SNTB2: variants seen among roughly 807,000 people sequenced by gnomAD.
The protein encoded by SNTB2 is beta-2-syntrophin.
A neutral mutation model predicts 46.2 loss-of-function variants in SNTB2; 34 were observed. The ratio of observed to expected loss-of-function variants is 0.74; its 90% CI spans 0.56 to 0.98. The LOEUF (loss-of-function observed/expected upper bound fraction) is 0.98. SNTB2 is among the 50% of genes least tolerant of loss of function. The pLI is 0.00. For missense variants in SNTB2, 603 were observed against 731.4 expected, an observed-to-expected ratio of 0.82 and a Z score of 2.02; for synonymous variants, 290 against 312.6, an observed-to-expected ratio of 0.93 and a Z score of 0.76.
intron 1 of SNTB2, among the ~76,000 whole-genome samples, chr16:69,189,396 A>C (rs895046590): frequency 1.3e-5 from 2 of 152,176 alleles, no homozygotes; most frequent in African/African-American, 4.8e-5. Flanking sequence ...AGTACTATTT[A>C]TGTAGTCCTC....
chr16:69,195,623 G>T (rs1964098083), intron 1 of SNTB2, among the ~76,000 whole-genome samples: 1 of 152,036 alleles, frequency 6.6e-6, no homozygotes, highest in Admixed American at 6.6e-5. Flanking sequence ...GCTGTGGAGG[G>T]TCTAATTCTG....
intron 3 of SNTB2, among the ~76,000 whole-genome samples, chr16:69,269,631 C>T (rs1337589240): frequency 2.0e-5 from 3 of 151,966 alleles, no homozygotes; most frequent in Non-Finnish European, 2.9e-5. Context: ...GCAATGTAAA[C>T]TCTATTATTG....
intron 1 of SNTB2, among the ~76,000 whole-genome samples, chr16:69,217,756 TAGA>T (rs778944683): frequency 7.2e-5 from 11 of 152,360 alleles, no homozygotes; most frequent in Admixed American, 1.3e-4. Flanking sequence ...GGCTGTGACT[TAGA>T]AGAAGTTTTC....
rs1030271203 is a variant in SNTB2 at position 69,306,032 on chromosome 16, A to T, written c.*5108A>T. On this transcript the variant is annotated 3_prime_UTR_variant, in exon 7 of 7. Transcript: ENST00000336278. ...GGGTTCTGTATTTTTGAGCAATATCATTATTCCTATGCTGTGATGTTAAAT... is the reference window on the plus strand; with the variant it reads ...GGGTTCTGTATTTTTGAGCAATATCTTTATTCCTATGCTGTGATGTTAAAT... The T allele has an allele frequency of 5.9e-5, 9 of 152,178 alleles. No individual in the cohort carries two copies. Among genetic ancestry groups the T allele is most frequent in the African/African-American group, 2.2e-4 (9 of 41,438 alleles). 9.4% of individuals were successfully genotyped at this position (152,178 alleles called of 1,614,324 possible). A position where few individuals can be genotyped will look rare whatever the true frequency, so the allele number is the denominator to read the frequency against.
At position 69,307,120 on chromosome 16, in the gene SNTB2, A is replaced by C. The variant is rs1965322727; in HGVS notation, c.*6196A>C. On this transcript the variant is annotated 3_prime_UTR_variant, in exon 7 of 7. Transcript: ENST00000336278. ...ATTAATGTATAGTTCTACACCAGGC[A>C]TTCTGAAGGGTCCAAAAGAAAGTTC... The C allele has an allele frequency of 6.6e-6, 1 of 152,252 alleles. No individual in the cohort carries two copies. Among genetic ancestry groups the C allele is most frequent in the African/African-American group, 2.4e-5 (1 of 41,460 alleles). The allele number at this position is 152,252 out of a possible 1,614,324, so 9.4% of individuals were successfully genotyped here.
chr16:69,293,722 G>A (rs1965196708), intron 5 of SNTB2, among the ~76,000 whole-genome samples: 1 of 152,196 alleles, frequency 6.6e-6, no homozygotes, highest in South Asian at 2.1e-4. Context: ...GATTCAGAGG[G>A]ACATGTTGAA....
At chr16:69,250,522 A>ATTTATTT (rs1964715779) in intron 2 of SNTB2, among the ~76,000 whole-genome samples, 1 of 152,196 alleles carries the variant, frequency 6.6e-6, no homozygotes, top group South Asian at 2.1e-4. Context: ...TAAGTTCCTT[A>ATTTATTT]ATTTCTCTGT....
chr16:69,218,670 C>T (rs952554081), intron 1 of SNTB2, among the ~76,000 whole-genome samples: 2 of 152,180 alleles, frequency 1.3e-5, no homozygotes, highest in South Asian at 2.1e-4. Context: ...ATCCACCTGC[C>T]TCGGCCTCCC....
At chr16:69,214,650 C>CCT (rs1401135775) in intron 1 of SNTB2, among the ~76,000 whole-genome samples, 4 of 151,760 alleles carry the variant, frequency 2.6e-5, no homozygotes, top group East Asian at 1.9e-4. Flanking sequence ...CCTCAGCCTC[C>CCT]TGAGTAGCTG....
intron 4 of SNTB2, among the ~76,000 whole-genome samples, chr16:69,275,432 A>G (rs948618265): frequency 2.6e-5 from 4 of 152,238 alleles, no homozygotes; most frequent in Admixed American, 2.6e-4. Flanking sequence ...TTCAGGAAGT[A>G]CTGGTGGATT....
intron 2 of SNTB2, among the ~76,000 whole-genome samples, chr16:69,251,074 G>C (rs984712631): frequency 2.0e-5 from 3 of 148,300 alleles, no homozygotes; most frequent in African/African-American, 7.3e-5. Context: ...CGCCTCCCGG[G>C]TTCACGCCAT....
At chr16:69,239,690 G>T (rs182137281) in intron 1 of SNTB2, among the ~76,000 whole-genome samples, 2 of 152,020 alleles carry the variant, frequency 1.3e-5, no homozygotes, top group Non-Finnish European at 2.9e-5. Flanking sequence ...GCTTACAGGC[G>T]TGCACCACTA....
rs1002192695 is a variant in SNTB2 at position 69,256,205 on chromosome 16, A to C, written c.795-3845A>C. Among the ~76,000 whole-genome samples the C allele has an allele frequency of 3.3e-5, 5 of 152,190 alleles. No individual in the cohort carries two copies. In the South Asian group the frequency reaches 8.3e-4, roughly 25 times the overall value. ...CGTCTCAAAAAAAAAAGTTTTGTAG[A>C]GATGGGTTCTCACTTTGTTGCCTAG... On this transcript the variant is annotated intron_variant, in intron 2 of 6. Transcript: ENST00000336278.
chr16:69,240,640 GACTA>G (rs1964602223), intron 1 of SNTB2: 1 of 152,174 alleles, frequency 6.6e-6, no homozygotes, highest in South Asian at 2.1e-4. Flanking sequence ...AATGTTGTGT[GACTA>G]ACTTAGTTTC....
chr16:69,292,372 ATATATAT>A (rs1567416306), intron 5 of SNTB2, among the ~76,000 whole-genome samples: 4 of 42,956 alleles, frequency 9.3e-5, no homozygotes, highest in South Asian at 1.8e-3. Context: ...ATATATATAT[ATATATAT>A]TATATATATA....
At chr16:69,198,894 A>AT (rs1384529101) in intron 1 of SNTB2, among the ~76,000 whole-genome samples, 14 of 145,164 alleles carry the variant, frequency 9.6e-5, no homozygotes, top group African/African-American at 1.8e-4. Flanking sequence ...GAATATAATA[A>AT]TGTTTTTTTT....
chr16:69,188,643 C>T (rs1393581409), intron 1 of SNTB2, among the ~76,000 whole-genome samples: 3 of 152,202 alleles, frequency 2.0e-5, no homozygotes, highest in Non-Finnish European at 4.4e-5. Context: ...AACGAAAAGT[C>T]AGCTGCTTTC....
At chr16:69,299,987 G>A (rs987401078) in intron 6 of SNTB2, among the ~76,000 whole-genome samples, 1 of 152,096 alleles carries the variant, frequency 6.6e-6, no homozygotes, top group Non-Finnish European at 1.5e-5. Context: ...TACCTTCTGG[G>A]CTCAAGTGAT....
At chr16:69,212,825 A>G (rs1440580547) in intron 1 of SNTB2, among the ~76,000 whole-genome samples, 1 of 149,982 alleles carries the variant, frequency 6.7e-6, no homozygotes, top group Non-Finnish European at 1.5e-5. Context: ...TAGAGATAGG[A>G]TTTCTCCATG....
Sources: gnomAD v4.1 joint callset for allele counts (sites outside exome capture counted in the v4.1 genomes callset) on GRCh38, gnomAD v4.1.1 for gene constraint, MANE v1.5 for transcripts, NCBI Gene and HGNC (gene_info 2026-07-23, HGNC 2026-07-21) for gene names.